Variants in NME7 observed in about 807,000 individuals in gnomAD.
The protein encoded by NME7 is nucleoside diphosphate kinase 7.
Under a neutral mutation model 49.1 loss-of-function variants are expected in NME7, and 41 were observed. The observed-to-expected ratio is 0.83, with a 90% CI of 0.65 to 1.08. NME7 has a LOEUF of 1.08. NME7 is among the 50% of genes least tolerant of loss of function. NME7 has a pLI of 0.00. For synonymous variants in NME7, 139 were observed against 150.6 expected (o/e 0.92, Z 0.56); for missense variants, 423 against 463.4 (o/e 0.91, Z 0.80).
At chr1:169,365,275 G>A (rs1034604913) in intron 1 of NME7, among the ~76,000 whole-genome samples, 20 of 152,242 alleles carry the variant, frequency 1.3e-4, no homozygotes, top group South Asian at 8.3e-4. Flanking sequence ...TCAGGGAGGC[G>A]GATTTTAGAA....
chr1:169,357,345 A>C (rs1226673590), intron 1 of NME7, among the ~76,000 whole-genome samples: 2 of 152,068 alleles, frequency 1.3e-5, no homozygotes, highest in Non-Finnish European at 2.9e-5. Flanking sequence ...AAAAGTGGGC[A>C]GAAAGATGAG....
intron 11 of NME7, among the ~76,000 whole-genome samples, chr1:169,144,712 C>T (rs1463289280): frequency 1.3e-5 from 2 of 152,118 alleles, no homozygotes; most frequent in Non-Finnish European, 2.9e-5. Context: ...TGTATGTTAA[C>T]CTGAGAAGGA....
At chr1:169,348,711 C>A (rs1446272611) in intron 1 of NME7, among the ~76,000 whole-genome samples, 1 of 152,060 alleles carries the variant, frequency 6.6e-6, no homozygotes, top group East Asian at 1.9e-4. Context: ...TCACAAATAC[C>A]CTCAATTTTA....
At chr1:169,292,771 G>A (rs1018602751) in intron 6 of NME7, among the ~76,000 whole-genome samples, 3 of 152,144 alleles carry the variant, frequency 2.0e-5, no homozygotes, top group Admixed American at 6.6e-5. Flanking sequence ...AGATATATTT[G>A]AGGTAGAAAA....
At chr1:169,347,001 T>C (rs1174234202) in intron 1 of NME7, among the ~76,000 whole-genome samples, 1 of 152,194 alleles carries the variant, frequency 6.6e-6, no homozygotes, top group Non-Finnish European at 1.5e-5. Context: ...ACTAATTTTC[T>C]GTCTCTCCTT....
In NME7 at chr1:169,213,908, G is replaced by A. The variant is rs1349974165; in HGVS notation, c.990+16810C>T. On this transcript the variant is annotated intron_variant, in intron 10 of 11. Transcript: ENST00000367811. The stretch of plus-strand genomic sequence containing the variant: ...TTAAGCTAATTTCCAGTTAATAGGT[G>A]CTCCAGATTACCCAGTGCTATACAT... 2.0e-5 allele frequency among the ~76,000 whole-genome samples: 3 copies of A among 151,954 alleles called. No homozygotes were observed. The East Asian group carries it at 5.8e-4, about 29-fold the overall frequency.
At chr1:169,206,475 G>C (rs764812801) in intron 10 of NME7, among the ~76,000 whole-genome samples, 22 of 152,070 alleles carry the variant, frequency 1.4e-4, no homozygotes, top group Non-Finnish European at 2.5e-4. Flanking sequence ...AAGCTGTCTT[G>C]GGTTAATGCT....
Position 169,230,965 on chromosome 1 carries a change from T to C in NME7, c.889-146A>G, listed in dbSNP as rs1273329552. 1.0e-5 allele frequency: 5 copies of C among 476,564 alleles called. No individual in the cohort carries two copies. In the Admixed American group the frequency reaches 1.6e-4, roughly 15 times the overall value. The allele number at this position is 476,564 out of a possible 1,614,324, so 29.5% of individuals were successfully genotyped here. A position where few individuals can be genotyped will look rare whatever the true frequency, so the allele number is the denominator to read the frequency against. On this transcript the variant is annotated intron_variant, in intron 9 of 11. Transcript: ENST00000367811. ...CCCACATATCAAGCAGTTCCCAAAT[T>C]CTGTCCATTTTTCCTTGAAGAATAT...
intron 1 of NME7, among the ~76,000 whole-genome samples, chr1:169,346,023 G>A (rs1652940862): frequency 6.6e-6 from 1 of 151,936 alleles, no homozygotes; most frequent in Non-Finnish European, 1.5e-5. Flanking sequence ...AATCCTATTA[G>A]ATCTACCTGC....
intron 10 of NME7, among the ~76,000 whole-genome samples, chr1:169,216,096 T>A (rs1660966086): frequency 6.6e-6 from 1 of 152,242 alleles, no homozygotes. Flanking sequence ...ATACATTTGA[T>A]CTTTGTCTAA....
At chr1:169,147,133 A>G (rs2101816745) in intron 11 of NME7, among the ~76,000 whole-genome samples, 1 of 152,322 alleles carries the variant, frequency 6.6e-6, no homozygotes, top group South Asian at 2.1e-4. Flanking sequence ...GAATTTTTTA[A>G]GGAATAAATA....
intron 1 of NME7, among the ~76,000 whole-genome samples, chr1:169,333,263 T>C (rs1236527027): frequency 6.6e-6 from 1 of 151,742 alleles, no homozygotes; most frequent in African/African-American, 2.4e-5. Context: ...TGAAAAAAAA[T>C]TGAACTCATG....
At chr1:169,350,163 A>AAAGAAGAAAGAAAGG (rs1303956307) in intron 1 of NME7, among the ~76,000 whole-genome samples, 1 of 151,064 alleles carries the variant, frequency 6.6e-6, no homozygotes, top group East Asian at 1.9e-4. Context: ...AGAAAGAAAG[A>AAAGAAGAAAGAAAGG]AAGAAGAAAG....
At chr1:169,274,401 T>C (rs1395661508) in intron 7 of NME7, among the ~76,000 whole-genome samples, 1 of 133,414 alleles carries the variant, frequency 7.5e-6, no homozygotes, top group Admixed American at 7.3e-5. Context: ...GAAAATTTTC[T>C]CCCATTTTGT....
At chr1:169,219,659 A>C (rs991400271) in intron 10 of NME7, among the ~76,000 whole-genome samples, 1 of 152,158 alleles carries the variant, frequency 6.6e-6, no homozygotes, top group East Asian at 1.9e-4. Context: ...CTCAGCATCT[A>C]AAGTAGCTGG....
chr1:169,287,185 A>G (rs1046533868), intron 7 of NME7, 118 bp downstream of exon 7: 20 of 868,486 alleles, frequency 2.3e-5, no homozygotes, highest in Non-Finnish European at 2.6e-5. Flanking sequence ...AGTGCCTTCA[A>G]AGAAAAAAAA....
intron 10 of NME7, among the ~76,000 whole-genome samples, 164 bp downstream of exon 10, chr1:169,230,543 TTTCTTGGAATG>T (rs1471777743): frequency 6.6e-6 from 1 of 152,218 alleles, no homozygotes; most frequent in African/African-American, 2.4e-5. Context: ...AAAAATTATC[TTTCTTGGAATG>T]TTATGTAAAA....
chr1:169,142,706 C>T (rs576554172), intron 11 of NME7, among the ~76,000 whole-genome samples: 212 of 152,200 alleles, frequency 1.4e-3, no homozygotes, highest in African/African-American at 4.7e-3. Flanking sequence ...ACCAAGGTGT[C>T]GGATTAGAAT....
chr1:169,298,473 C>T (rs1327395468), intron 6 of NME7, 83 bp downstream of exon 6: 2 of 1,381,680 alleles, frequency 1.4e-6, no homozygotes, highest in Non-Finnish European at 1.0e-6. Context: ...CACCCTAAGT[C>T]ACCAGTGATA....
Sources: gnomAD v4.1 joint callset for allele counts (sites outside exome capture counted in the v4.1 genomes callset) on GRCh38, gnomAD v4.1.1 for gene constraint, MANE v1.5 for transcripts, NCBI Gene and HGNC (gene_info 2026-07-23, HGNC 2026-07-21) for gene names.